INTS9: variants seen among roughly 807,000 people sequenced by gnomAD.
INTS9 encodes the protein protein related to CPSF subunits of 74 kDa.
Under a neutral mutation model 79.7 loss-of-function variants are expected in INTS9, and 55 were observed. The observed-to-expected ratio is 0.69, with a 90% CI of 0.56 to 0.86. INTS9 has a LOEUF of 0.86. Ranked by LOEUF, INTS9 falls within the 40% of genes least tolerant of loss-of-function variation. The pLI, the probability that INTS9 is intolerant of heterozygous loss-of-function variation, is 0.00. For missense variants in INTS9, 721 were observed against 831.5 expected (o/e 0.87, Z 1.64); for synonymous variants, 319 against 325.2 (o/e 0.98, Z 0.20).
At position 28,777,828 on chromosome 8, in the gene INTS9, C is replaced by A; in HGVS notation, c.1395+1G>T. 2 of 1,602,652 alleles carry A rather than the reference C, an allele frequency of 1.2e-6. No homozygotes were observed. The highest frequency in any genetic ancestry group is 1.7e-6 in the Non-Finnish European group (2 of 1,174,960). On this transcript the variant is annotated splice_donor_variant, in intron 13 of 16. Coordinates refer to ENST00000521022, the MANE Select transcript of INTS9 (RefSeq NM_018250.4). LOFTEE classifies it high-confidence loss of function. ...AAGGCACAAGCAGTGTCCTTCATTA[C>A]CTGCACTTCTTTAAGCAGCTTTGAC...
intron 1 of INTS9, among the ~76,000 whole-genome samples, chr8:28,864,980 C>G (rs183498592): frequency 3.0e-5 from 4 of 132,128 alleles, no homozygotes; most frequent in Non-Finnish European, 4.6e-5. Context: ...AGTGAGACAC[C>G]GTCTCAAAAA....
At chr8:28,869,164 A>G (rs1808931196) in intron 1 of INTS9, among the ~76,000 whole-genome samples, 1 of 152,166 alleles carries the variant, frequency 6.6e-6, no homozygotes, top group Non-Finnish European at 1.5e-5. Flanking sequence ...TAATTTCAAC[A>G]TCATCTAAAT....
intron 6 of INTS9, among the ~76,000 whole-genome samples, chr8:28,816,414 T>C (rs932137731): frequency 7.3e-5 from 11 of 151,382 alleles, no homozygotes; most frequent in Admixed American, 5.9e-4. Flanking sequence ...TTGGTTTTTT[T>C]GTTCTTGCGA....
At chr8:28,788,187 C>T (rs772618712) in intron 10 of INTS9, among the ~76,000 whole-genome samples, 2 of 152,182 alleles carry the variant, frequency 1.3e-5, no homozygotes, top group African/African-American at 2.4e-5. Flanking sequence ...CCTCTTCACC[C>T]TATGTCCCCA....
chr8:28,846,554 C>T (rs375755851), intron 4 of INTS9, among the ~76,000 whole-genome samples, 193 bp downstream of exon 4: 100 of 152,122 alleles, frequency 6.6e-4, no homozygotes, highest in African/African-American at 1.9e-3. Flanking sequence ...AAGAGAGTGA[C>T]GTAAATGATT....
chr8:28,863,979 AT>A (rs1401299059), intron 1 of INTS9, among the ~76,000 whole-genome samples: 7 of 152,174 alleles, frequency 4.6e-5, no homozygotes, highest in Admixed American at 4.6e-4. Context: ...CATTATTTAT[AT>A]TTTTTGAATA....
chr8:28,793,190 C>T (rs780253012), intron 10 of INTS9, among the ~76,000 whole-genome samples: 7 of 152,104 alleles, frequency 4.6e-5, no homozygotes, highest in Non-Finnish European at 1.0e-4. Context: ...AGTCCCGGAA[C>T]GTTTGGGAAG....
intron 8 of INTS9, among the ~76,000 whole-genome samples, chr8:28,800,087 A>G (rs955665468): frequency 2.6e-5 from 4 of 152,172 alleles, no homozygotes; most frequent in African/African-American, 9.7e-5. Context: ...TGAAAGTACT[A>G]TTTACTTGTC....
At chr8:28,772,267 G>A (rs993306560) in intron 14 of INTS9, among the ~76,000 whole-genome samples, 1 of 151,998 alleles carries the variant, frequency 6.6e-6, no homozygotes, top group Admixed American at 6.6e-5. Context: ...GCTCACGCCT[G>A]TAATTCCAGC....
chr8:28,778,023 G>C, intron 12 of INTS9, 70 bp from the exon 13 acceptor site: 1 of 1,474,248 alleles, frequency 6.8e-7, no homozygotes, highest in Non-Finnish European at 9.1e-7. Context: ...GACAGCAACT[G>C]GGGCGCTGAG....
intron 14 of INTS9, among the ~76,000 whole-genome samples, chr8:28,773,807 G>A (rs1415860844): frequency 6.6e-6 from 1 of 151,880 alleles, no homozygotes; most frequent in Non-Finnish European, 1.5e-5. Flanking sequence ...TTACAGGCAT[G>A]AGCCACCATG....
chr8:28,882,148 A>G (rs1809880357), intron 1 of INTS9, among the ~76,000 whole-genome samples: 2 of 145,384 alleles, frequency 1.4e-5, no homozygotes, highest in Non-Finnish European at 3.0e-5. Context: ...TTGATCTGTG[A>G]CCTTATCCCC....
chr8:28,841,345 T>C (rs1412979304), intron 4 of INTS9, among the ~76,000 whole-genome samples: 2 of 152,186 alleles, frequency 1.3e-5, no homozygotes, highest in Non-Finnish European at 2.9e-5. Flanking sequence ...AGCACAGTGA[T>C]AGATCCAGAA....
intron 8 of INTS9, chr8:28,810,366 T>A (rs1234407737): frequency 6.5e-6 from 1 of 152,720 alleles, no homozygotes; most frequent in African/African-American, 2.4e-5. Flanking sequence ...GATACAAGTA[T>A]TTTTAACTGG....
chr8:28,811,896 A>C (rs1805172370), intron 8 of INTS9, among the ~76,000 whole-genome samples: 1 of 152,106 alleles, frequency 6.6e-6, no homozygotes, highest in South Asian at 2.1e-4. Context: ...ACTATACACC[A>C]TCCTCTCCCC....
chr8:28,829,965 CTG>C (rs990313810), intron 6 of INTS9, among the ~76,000 whole-genome samples: 5 of 151,948 alleles, frequency 3.3e-5, no homozygotes, highest in Admixed American at 3.3e-4. Context: ...CATCTCACTC[CTG>C]TGTGTACCTT....
chr8:28,886,005 G>A (rs998463959), intron 1 of INTS9, among the ~76,000 whole-genome samples: 8 of 152,144 alleles, frequency 5.3e-5, no homozygotes, highest in African/African-American at 1.4e-4. Flanking sequence ...CTAAGAAGGA[G>A]ATACCCAAGT....
intron 6 of INTS9, among the ~76,000 whole-genome samples, chr8:28,819,412 C>T (rs1805692482): frequency 6.6e-6 from 1 of 152,018 alleles, no homozygotes; most frequent in South Asian, 2.1e-4. Flanking sequence ...CATTATGTAC[C>T]CAGTAGTCAT....
chr8:28,850,209 T>C lies in INTS9; in HGVS notation c.198+4A>G, dbSNP rs767108995. On this transcript the variant is annotated splice_donor_region_variant and intron_variant, in intron 3 of 16. Coordinates refer to ENST00000521022, the MANE Select transcript of INTS9 (RefSeq NM_018250.4). ...AGGCTTTAGTTTGTAGTCTTAGATA[T>C]TACCTTGTCCAAGAAAGCATTTCCA... The C allele has an allele frequency of 2.0e-5, 33 of 1,612,022 alleles. No homozygotes were observed. Among genetic ancestry groups the C allele is most frequent in the Non-Finnish European group, 2.6e-5 (31 of 1,178,300 alleles).
Sources: allele counts gnomAD v4.1 joint callset (sites outside exome capture counted in the v4.1 genomes callset), GRCh38; gene constraint gnomAD v4.1.1; transcripts MANE v1.5; gene names NCBI Gene and HGNC (gene_info 2026-07-23, HGNC 2026-07-21).